The following FBXL20 variants were observed in gnomAD, a reference collection of about 807,000 sequenced individuals.
FBXL20 encodes the protein F-box and leucine rich repeat protein 20.
In FBXL20, 11 loss-of-function variants were observed where a neutral mutation model predicts 64.0. That is an observed-to-expected ratio of 0.17 (90% CI 0.11 to 0.28). FBXL20 has a LOEUF of 0.28. Ranked by LOEUF, FBXL20 falls within the 10% of genes least tolerant of loss-of-function variation. The pLI is 1.00. For synonymous variants in FBXL20, 184 were observed against 189.0 expected (o/e 0.97, Z 0.22); for missense variants, 303 against 526.2 (o/e 0.58, Z 4.15).
chr17:39,377,347 T>C (rs929254661), intron 1 of FBXL20, among the ~76,000 whole-genome samples: 4 of 151,964 alleles, frequency 2.6e-5, no homozygotes, highest in African/African-American at 7.2e-5. Flanking sequence ...TCACTGACTT[T>C]CCCCCACCCA....
chr17:39,276,009 G>A (rs1399969648), intron 9 of FBXL20, among the ~76,000 whole-genome samples: 4 of 151,938 alleles, frequency 2.6e-5, no homozygotes, highest in Non-Finnish European at 5.9e-5. Flanking sequence ...CACTTTGGGA[G>A]GCTGAGGTGG....
chr17:39,297,104 C>A, intron 6 of FBXL20, 23 bp downstream of exon 6: 4 of 1,575,496 alleles, frequency 2.5e-6, no homozygotes, highest in South Asian at 1.1e-5. Flanking sequence ...ATGACTTATC[C>A]TCCAAAAACA....
chr17:39,278,080 G>A (rs1438412179), intron 9 of FBXL20, among the ~76,000 whole-genome samples: 1 of 148,998 alleles, frequency 6.7e-6, no homozygotes, highest in Non-Finnish European at 1.5e-5. Flanking sequence ...GTGTGTGTAT[G>A]TAATGTGTAT....
intron 9 of FBXL20, among the ~76,000 whole-genome samples, chr17:39,278,833 C>A (rs2046923266): frequency 6.6e-6 from 1 of 150,876 alleles, no homozygotes; most frequent in African/African-American, 2.4e-5. Flanking sequence ...GTGTGAGCCA[C>A]TGTGCCTGGT....
upstream of FBXL20, chr17:39,402,293 G>GCCGCCTCCC (rs983730161): frequency 1.0e-4 from 109 of 1,078,538 alleles, 1 homozygote; most frequent in Admixed American, 7.2e-4. Context: ...TGCCGCCGCC[G>GCCGCCTCCC]CCGCCTCCCC....
intron 2 of FBXL20, among the ~76,000 whole-genome samples, chr17:39,324,008 A>ACCCCCCCCC (rs138382317): frequency 5.4e-4 from 70 of 128,988 alleles, no homozygotes; most frequent in African/African-American, 1.3e-3. Context: ...TCGTGATCCA[A>ACCCCCCCCC]CCCCCTCCCC....
At chr17:39,319,545 C>T (rs949096222) in intron 2 of FBXL20, among the ~76,000 whole-genome samples, 1 of 151,650 alleles carries the variant, frequency 6.6e-6, no homozygotes, top group African/African-American at 2.4e-5. Context: ...ATTAGCTGGG[C>T]GTGGTGGTAG....
chr17:39,333,117 GA>G (rs1489002689), intron 2 of FBXL20, among the ~76,000 whole-genome samples: 3 of 151,856 alleles, frequency 2.0e-5, no homozygotes, highest in Non-Finnish European at 4.4e-5. Context: ...ATTTTAGAAG[GA>G]AAAAAATTCA....
intron 1 of FBXL20, among the ~76,000 whole-genome samples, chr17:39,389,316 T>C (rs2048113650): frequency 6.6e-6 from 1 of 152,138 alleles, no homozygotes; most frequent in African/African-American, 2.4e-5. Flanking sequence ...AGGTTGCTTT[T>C]CTACAAGTGG....
chr17:39,395,147 G>T (rs190267664), intron 1 of FBXL20, among the ~76,000 whole-genome samples: 1 of 152,116 alleles, frequency 6.6e-6, no homozygotes, highest in Non-Finnish European at 1.5e-5. Flanking sequence ...CTTCTAGGCC[G>T]GGCGTGGTGG....
At chr17:39,345,872 C>A (rs1448828889) in intron 1 of FBXL20, among the ~76,000 whole-genome samples, 1 of 152,134 alleles carries the variant, frequency 6.6e-6, no homozygotes, top group Non-Finnish European at 1.5e-5. Context: ...AACCTACGTT[C>A]CAGATAAATG....
At chr17:39,346,372 T>C (rs1194121252) in intron 1 of FBXL20, among the ~76,000 whole-genome samples, 1 of 151,552 alleles carries the variant, frequency 6.6e-6, no homozygotes, top group Non-Finnish European at 1.5e-5. Context: ...TAATGAATGG[T>C]TTATTAAATG....
intron 1 of FBXL20, among the ~76,000 whole-genome samples, chr17:39,396,216 T>A (rs185660375): frequency 3.3e-5 from 5 of 151,988 alleles, no homozygotes; most frequent in African/African-American, 9.6e-5. Context: ...CACAGATGCA[T>A]AGGATTCTAG....
intron 2 of FBXL20, among the ~76,000 whole-genome samples, chr17:39,318,336 A>G (rs961188473): frequency 6.6e-6 from 1 of 152,230 alleles, no homozygotes; most frequent in African/African-American, 2.4e-5. Context: ...AATCCTCAAC[A>G]ATAGTCTAAG....
chr17:39,377,659 C>T (rs544867552), intron 1 of FBXL20, among the ~76,000 whole-genome samples: 1 of 152,070 alleles, frequency 6.6e-6, no homozygotes, highest in South Asian at 2.1e-4. Context: ...CACTACCACG[C>T]CCGGCTAATT....
At position 39,399,330 on chromosome 17, in the gene FBXL20, G is replaced by A. The variant is rs552921291; in HGVS notation, c.42+2031C>T. 4.6e-5 allele frequency among the ~76,000 whole-genome samples: 7 copies of A among 152,038 alleles called. No homozygotes were observed. In the South Asian group the frequency reaches 6.2e-4, roughly 13 times the overall value. On this transcript the variant is annotated intron_variant, in intron 1 of 14. Coordinates refer to ENST00000264658, the MANE Select transcript of FBXL20 (RefSeq NM_032875.3). ...AAATGTTTAGATCTGCTTTATTTAC[G>A]TATCTTTTATTGAAAGTAAATATTT...
At chr17:39,331,006 C>T (rs1341825838) in intron 2 of FBXL20, among the ~76,000 whole-genome samples, 1 of 152,208 alleles carries the variant, frequency 6.6e-6, no homozygotes. Context: ...TTGTAGCATA[C>T]CTGAATCAAA....
At chr17:39,382,991 C>A (rs1323281260) in intron 1 of FBXL20, among the ~76,000 whole-genome samples, 1 of 149,770 alleles carries the variant, frequency 6.7e-6, no homozygotes, top group East Asian at 1.9e-4. Context: ...CCCATCTCTA[C>A]TAAAAATACA....
chr17:39,354,855 A>G (rs2047720642), intron 1 of FBXL20, among the ~76,000 whole-genome samples: 1 of 152,212 alleles, frequency 6.6e-6, no homozygotes, highest in African/African-American at 2.4e-5. Context: ...AGTTGAAAAA[A>G]CAAAAGTTTG....
Sources: allele counts gnomAD v4.1 joint callset (sites outside exome capture counted in the v4.1 genomes callset), GRCh38; gene constraint gnomAD v4.1.1; transcripts MANE v1.5; gene names NCBI Gene and HGNC (gene_info 2026-07-23, HGNC 2026-07-21).